ZNF398: variants seen among roughly 807,000 people sequenced by gnomAD.
The protein encoded by ZNF398 is zinc finger protein 398, also known as zinc finger DNA binding protein ZER6.
Under a neutral mutation model 41.9 loss-of-function variants are expected in ZNF398, and 18 were observed. The ratio of observed to expected loss-of-function variants is 0.43; its 90% confidence interval spans 0.30 to 0.64. ZNF398 has a LOEUF of 0.64. Among genes scored for constraint, ZNF398 ranks in the 30% least tolerant of loss-of-function variants. The pLI is 0.14. For synonymous variants in ZNF398, 260 were observed against 308.8 expected, an observed-to-expected ratio of 0.84 and a Z score of 1.66; for missense variants, 669 against 822.8, an observed-to-expected ratio of 0.81 and a Z score of 2.29.
chr7:149,174,878 C>T (rs1048013332), intron 4 of ZNF398, among the ~76,000 whole-genome samples: 2 of 152,130 alleles, frequency 1.3e-5, no homozygotes, highest in Non-Finnish European at 2.9e-5. Context: ...AGTTAATCCT[C>T]TGGATATCGG....
chr7:149,146,400 A>G (rs773839197), upstream of ZNF398, among the ~76,000 whole-genome samples: 1 of 152,104 alleles, frequency 6.6e-6, no homozygotes, highest in African/African-American at 2.4e-5. Context: ...TAAATAAAAC[A>G]TTAGCCGGGC....
At chr7:149,165,913 G>T (rs928556875) in intron 2 of ZNF398, among the ~76,000 whole-genome samples, 5 of 152,118 alleles carry the variant, frequency 3.3e-5, no homozygotes, top group Non-Finnish European at 7.3e-5. Flanking sequence ...CAAAATACTC[G>T]AATGTGCCTC....
rs1396849846 is a variant in ZNF398, at chr7:149,154,115, A to T, written c.195A>T (p.Leu65=). 1.2e-6 allele frequency: 2 copies of T among 1,614,054 alleles called. No individual in the cohort carries two copies. Among genetic ancestry groups the T allele is most frequent in the Non-Finnish European group, 1.7e-6 (2 of 1,179,942 alleles). The change falls in exon 2 of 6, where the codon CTA becomes CTT. Residue 65 remains leucine (L), a synonymous_variant. Coordinates refer to ENST00000475153, the MANE Select transcript of ZNF398 (RefSeq NM_170686.3). Reference sequence around the variant, plus strand: ...TGGAGATCCACAGCCGGCGACTCCTACACCTGGAAGGTCGGACAGGGACAG... The same window carrying T: ...TGGAGATCCACAGCCGGCGACTCCTTCACCTGGAAGGTCGGACAGGGACAG... ...RKVEIHSRRL[L]HLEGRTGTAE...
intron 2 of ZNF398, among the ~76,000 whole-genome samples, chr7:149,139,420 A>G (rs1202432): frequency 0.86 from 130,812 of 152,092 alleles, 56,440 homozygotes; most frequent in Middle Eastern, 0.96. Flanking sequence ...AATGTAACTT[A>G]AAGTATTAAA....
At chr7:149,158,577 G>A (rs1795032660) in intron 2 of ZNF398, among the ~76,000 whole-genome samples, 1 of 152,066 alleles carries the variant, frequency 6.6e-6, no homozygotes, top group East Asian at 1.9e-4. Context: ...TCTCACACCT[G>A]TAATCCCAGC....
chr7:149,143,284 A>G (rs1182349573), upstream of ZNF398, among the ~76,000 whole-genome samples: 1 of 152,236 alleles, frequency 6.6e-6, no homozygotes, highest in Non-Finnish European at 1.5e-5. Flanking sequence ...TTAATTTTGT[A>G]ATTTTCAGAG....
upstream of ZNF398, among the ~76,000 whole-genome samples, chr7:149,145,332 C>T (rs910397221): frequency 2.6e-5 from 4 of 152,162 alleles, no homozygotes; most frequent in African/African-American, 9.7e-5. Context: ...CATGCAGGTT[C>T]TGGACAGAAA....
rs1431845218 is a variant in ZNF398 at position 149,179,830 on chromosome 7, A to G, written c.*29A>G. 1.3e-6 allele frequency: 2 copies of G among 1,535,654 alleles called. No individual in the cohort carries two copies. Among genetic ancestry groups the G allele is most frequent in the African/African-American group, 1.4e-5 (1 of 72,886 alleles). ...CAAATCTCTGTGGCTTCATGCTTGT[A>G]TATGCTCACAGCAGGGCACAAAATC... is the stretch of plus-strand genomic sequence containing the variant. On this transcript the variant is annotated 3_prime_UTR_variant, in exon 6 of 6. Transcript: ENST00000475153. This position sits in a 1 kb window ranked among gnomAD's most constrained non-coding sequence, Gnocchi z 6.1.
intron 2 of ZNF398, among the ~76,000 whole-genome samples, chr7:149,157,836 CAA>C (rs67225033): frequency 5.0e-5 from 3 of 59,732 alleles, no homozygotes; most frequent in East Asian, 4.8e-4. Flanking sequence ...GACTCTGTCT[CAA>C]AAAAAAAAAA....
chr7:149,148,891 T>TTTA (rs869265547), intron 1 of ZNF398, among the ~76,000 whole-genome samples: 9 of 145,194 alleles, frequency 6.2e-5, no homozygotes, highest in Non-Finnish European at 7.5e-5. Context: ...TTTTTTTTTT[T>TTTA]AGCTCATCAG....
rs920941173 is a variant in ZNF398 at position 149,147,540 on chromosome 7, G to A, written c.-203G>A. ...CCTCGCGACCCCAGCTTGATCCGCC[G>A]CCTGCTGCACCGCGCCTCCGCCGCG... On this transcript the variant is annotated 5_prime_UTR_variant, in exon 1 of 6. Coordinates refer to ENST00000475153, the MANE Select transcript of ZNF398 (RefSeq NM_170686.3). The surrounding 1 kb of genome is among the most constrained non-coding windows in gnomAD (Gnocchi z 5.6). The A allele has an allele frequency of 3.4e-5, 14 of 411,546 alleles. No individual in the cohort carries two copies. Among genetic ancestry groups the A allele is most frequent in the Non-Finnish European group, 5.0e-5 (13 of 258,472 alleles). The allele number at this position is 411,546 out of a possible 1,614,324, so 25.5% of individuals were successfully genotyped here.
At chr7:149,152,405 C>T (rs1365542799) in intron 1 of ZNF398, among the ~76,000 whole-genome samples, 2 of 151,130 alleles carry the variant, frequency 1.3e-5, no homozygotes, top group Middle Eastern at 3.2e-3. Flanking sequence ...AGACTACAGG[C>T]GCCCGCCACC....
At chr7:149,156,263 T>G (rs1489721603) in intron 2 of ZNF398, among the ~76,000 whole-genome samples, 1 of 151,270 alleles carries the variant, frequency 6.6e-6, no homozygotes, top group Non-Finnish European at 1.5e-5. Flanking sequence ...TCCCACCACT[T>G]TGGGAGGTTG....
chr7:149,162,693 T>A (rs1366009315), intron 2 of ZNF398, among the ~76,000 whole-genome samples: 1 of 152,150 alleles, frequency 6.6e-6, no homozygotes, highest in Admixed American at 6.6e-5. Context: ...TTAGTGTTGA[T>A]CCCACAAGAG....
At chr7:149,128,085 A>C (rs1826522867) in intron 1 of ZNF398, among the ~76,000 whole-genome samples, 1 of 152,172 alleles carries the variant, frequency 6.6e-6, no homozygotes, top group African/African-American at 2.4e-5. Flanking sequence ...AAATATTTAG[A>C]AGTTTATTCT....
intron 5 of ZNF398, among the ~76,000 whole-genome samples, chr7:149,177,967 C>T (rs994220908): frequency 2.0e-5 from 3 of 150,940 alleles, no homozygotes; most frequent in Non-Finnish European, 4.4e-5. Flanking sequence ...GTCAATATGG[C>T]AAAACCCCAT....
chr7:149,134,247 G>GT (rs1021173656), intron 2 of ZNF398, among the ~76,000 whole-genome samples: 40 of 150,162 alleles, frequency 2.7e-4, no homozygotes, highest in African/African-American at 5.6e-4. Flanking sequence ...TTGTTTTTTT[G>GT]TTTTTTTTGG....
At chr7:149,128,133 G>A (rs190006141) in intron 1 of ZNF398, among the ~76,000 whole-genome samples, 2 of 152,312 alleles carry the variant, frequency 1.3e-5, no homozygotes, top group East Asian at 3.9e-4. Context: ...GGTACTGTCT[G>A]AAGAGGTCCT....
At chr7:149,163,850 C>T (rs913273811) in intron 2 of ZNF398, among the ~76,000 whole-genome samples, 2 of 152,146 alleles carry the variant, frequency 1.3e-5, no homozygotes, top group East Asian at 1.9e-4. Context: ...CGGTGGCTCA[C>T]GCCTGTAATC....
Sources: allele counts gnomAD v4.1 joint callset (sites outside exome capture counted in the v4.1 genomes callset), GRCh38; gene constraint gnomAD v4.1.1; non-coding constraint Gnocchi (gnomAD v3.1); transcripts MANE v1.5; gene names NCBI Gene and HGNC (gene_info 2026-07-23, HGNC 2026-07-21).